Variants in RYR2 observed in about 807,000 individuals in gnomAD.
RYR2 encodes the protein ryanodine receptor 2.
In RYR2, 227 loss-of-function variants were observed where a neutral mutation model predicts 601.1. The ratio of observed to expected loss-of-function variants is 0.38; its 90% CI spans 0.34 to 0.42. The LOEUF is 0.42. RYR2 is among the 10% of genes least tolerant of loss of function. RYR2 has a pLI of 1.00. For missense variants in RYR2, 4,646 were observed against 6,156.5 expected, an observed-to-expected ratio of 0.75 and a Z score of 8.21; for synonymous variants, 2,223 against 2,175.1, an observed-to-expected ratio of 1.02 and a Z score of -0.61.
intron 17 of RYR2, among the ~76,000 whole-genome samples, chr1:237,475,240 C>T (rs1483403377): frequency 2.0e-5 from 3 of 152,156 alleles, no homozygotes; most frequent in Non-Finnish European, 4.4e-5. Flanking sequence ...ATCTTAATCA[C>T]CCCACTGTGT....
intron 27 of RYR2, among the ~76,000 whole-genome samples, chr1:237,552,305 A>C (rs183075515): frequency 8.3e-4 from 127 of 152,304 alleles, no homozygotes; most frequent in African/African-American, 2.5e-3. Context: ...TCTGATATAG[A>C]ATAAACCCTC....
chr1:237,129,836 C>A (rs1160447667), intron 1 of RYR2, among the ~76,000 whole-genome samples: 1 of 152,008 alleles, frequency 6.6e-6, no homozygotes, highest in African/African-American at 2.4e-5. Flanking sequence ...AGCCAAGCAT[C>A]TGAAGAAAAG....
At chr1:237,051,161 C>G in intron 1 of RYR2, among the ~76,000 whole-genome samples, 1 of 138,268 alleles carries the variant, frequency 7.2e-6, no homozygotes, top group East Asian at 2.4e-4. Flanking sequence ...CTTTCCCTTT[C>G]CCTCCCCTCC....
chr1:237,395,868 C>T (rs1702810506), intron 10 of RYR2, among the ~76,000 whole-genome samples: 2 of 152,068 alleles, frequency 1.3e-5, no homozygotes, highest in African/African-American at 4.8e-5. Flanking sequence ...AACTTCCCCA[C>T]ACTTTCACTT....
At chr1:237,340,082 C>A (rs1403161132) in intron 3 of RYR2, among the ~76,000 whole-genome samples, 1 of 152,152 alleles carries the variant, frequency 6.6e-6, no homozygotes, top group South Asian at 2.1e-4. Flanking sequence ...TCTGCTACAT[C>A]ATATAGCAGA....
intron 8 of RYR2, among the ~76,000 whole-genome samples, chr1:237,378,001 A>C (rs995851221): frequency 6.6e-6 from 1 of 152,210 alleles, no homozygotes; most frequent in Non-Finnish European, 1.5e-5. Flanking sequence ...GTCTGTTTTC[A>C]TGCTGATGAT....
intron 2 of RYR2, among the ~76,000 whole-genome samples, chr1:237,315,810 G>T (rs1695050639): frequency 6.6e-6 from 1 of 152,172 alleles, no homozygotes; most frequent in African/African-American, 2.4e-5. Flanking sequence ...ATGAAAATGT[G>T]TTTGTGAAAA....
chr1:237,263,781 G>A (rs1688764081), intron 1 of RYR2, among the ~76,000 whole-genome samples: 1 of 152,090 alleles, frequency 6.6e-6, no homozygotes, highest in South Asian at 2.1e-4. Flanking sequence ...TGCTTCCTGT[G>A]AGCCAGCATT....
chr1:237,351,629 T>G (rs953037985), intron 3 of RYR2, among the ~76,000 whole-genome samples: 14 of 151,886 alleles, frequency 9.2e-5, no homozygotes, highest in African/African-American at 3.4e-4. Flanking sequence ...TTACCAACCC[T>G]AACACTAGAA....
At chr1:237,574,407 G>A (rs1673018750) in intron 29 of RYR2, among the ~76,000 whole-genome samples, 1 of 152,118 alleles carries the variant, frequency 6.6e-6, no homozygotes, top group Admixed American at 6.5e-5. Context: ...CTTTCTCTGT[G>A]GTGTTCACAC....
At chr1:237,450,937 T>C (rs1658012244) in intron 14 of RYR2, among the ~76,000 whole-genome samples, 1 of 152,212 alleles carries the variant, frequency 6.6e-6, no homozygotes, top group Admixed American at 6.6e-5. Flanking sequence ...TTGTTTCTTT[T>C]CTATATTTAT....
At chr1:237,483,871 C>T (rs1447592719) in intron 17 of RYR2, among the ~76,000 whole-genome samples, 2 of 152,156 alleles carry the variant, frequency 1.3e-5, no homozygotes, top group Non-Finnish European at 2.9e-5. Context: ...TAACAGGTTT[C>T]GACTCCCAGG....
chr1:237,646,523 C>T (rs1227187284), intron 48 of RYR2, among the ~76,000 whole-genome samples: 1 of 152,036 alleles, frequency 6.6e-6, no homozygotes, highest in Non-Finnish European at 1.5e-5. Context: ...TAAGCATCAC[C>T]AAGTAGCAGT....
chr1:237,244,091 T>C (rs764050405), intron 1 of RYR2, among the ~76,000 whole-genome samples: 2 of 152,114 alleles, frequency 1.3e-5, no homozygotes, highest in Admixed American at 6.5e-5. Context: ...ACTGACAGTC[T>C]GGAGAGTGGA....
chr1:237,266,660 A>G (rs1214779000), intron 1 of RYR2, among the ~76,000 whole-genome samples: 3 of 152,206 alleles, frequency 2.0e-5, no homozygotes, highest in Non-Finnish European at 4.4e-5. Flanking sequence ...TGATTACTGG[A>G]AAGTAAAATA....
At chr1:237,249,063 C>A (rs1358593245) in intron 1 of RYR2, among the ~76,000 whole-genome samples, 1 of 152,074 alleles carries the variant, frequency 6.6e-6, no homozygotes, top group East Asian at 1.9e-4. Flanking sequence ...TTGCGCCCGG[C>A]CGAACAAATG....
chr1:237,182,610 A>G (rs1234991282), intron 1 of RYR2, among the ~76,000 whole-genome samples: 2 of 152,196 alleles, frequency 1.3e-5, no homozygotes, highest in Admixed American at 1.3e-4. Flanking sequence ...CACATACTAT[A>G]TATTGTCTTT....
intron 35 of RYR2, among the ~76,000 whole-genome samples, chr1:237,603,841 G>A (rs1676790984): frequency 6.6e-6 from 1 of 152,190 alleles, no homozygotes; most frequent in African/African-American, 2.4e-5. Flanking sequence ...TTACATAATG[G>A]TAAAGGGATC....
intron 2 of RYR2, among the ~76,000 whole-genome samples, chr1:237,288,352 G>A (rs752118636): frequency 1.1e-4 from 17 of 152,262 alleles, no homozygotes; most frequent in Middle Eastern, 6.8e-3. Flanking sequence ...AGGAACTGGC[G>A]GTGGGCAGGG....
Sources: gnomAD v4.1 joint callset for allele counts (sites outside exome capture counted in the v4.1 genomes callset) on GRCh38, gnomAD v4.1.1 for gene constraint, MANE v1.5 for transcripts, NCBI Gene and HGNC (gene_info 2026-07-23, HGNC 2026-07-21) for gene names.